Variants in CACNA2D1 observed in about 807,000 individuals in gnomAD.
CACNA2D1 encodes calcium voltage-gated channel auxiliary subunit alpha2delta 1, also known as voltage-dependent calcium channel subunit alpha-2/delta-1.
CACNA2D1 carries 53 observed loss-of-function variants against 171.5 expected under a neutral mutation model. The observed-to-expected ratio is 0.31, with a 90% CI of 0.25 to 0.39. The LOEUF (loss-of-function observed/expected upper bound fraction) is 0.39. Among genes scored for constraint, CACNA2D1 ranks in the 10% least tolerant of loss-of-function variants. CACNA2D1 has a pLI of 1.00. For synonymous variants in CACNA2D1, 442 were observed against 443.1 expected (o/e 1.00, Z 0.03); for missense variants, 903 against 1,299.8 (o/e 0.69, Z 4.69).
chr7:82,400,063 C>A (rs1826194251), intron 1 of CACNA2D1, among the ~76,000 whole-genome samples: 1 of 151,070 alleles, frequency 6.6e-6, no homozygotes, highest in African/African-American at 2.4e-5. Context: ...TGATCTATAT[C>A]TCTGTTTTGG....
At chr7:81,970,927 A>G in intron 26 of CACNA2D1, 190 bp from the exon 27 acceptor site, 1 of 565,790 alleles carries the variant, frequency 1.8e-6, no homozygotes, top group Admixed American at 2.8e-5. Flanking sequence ...AAGACATCTC[A>G]TAGGAAATAA....
At chr7:82,299,002 G>T (rs1812644109) in intron 3 of CACNA2D1, among the ~76,000 whole-genome samples, 1 of 149,730 alleles carries the variant, frequency 6.7e-6, no homozygotes, top group Non-Finnish European at 1.5e-5. Context: ...GGCAGAGGCT[G>T]CAGTGAGCTG....
At chr7:82,109,523 A>G (rs1788124996) in intron 6 of CACNA2D1, among the ~76,000 whole-genome samples, 1 of 152,198 alleles carries the variant, frequency 6.6e-6, no homozygotes, top group East Asian at 1.9e-4. Flanking sequence ...AACAAGAATG[A>G]GTCAGCATCC....
At chr7:82,233,722 T>C (rs1803219954) in intron 3 of CACNA2D1, among the ~76,000 whole-genome samples, 1 of 152,108 alleles carries the variant, frequency 6.6e-6, no homozygotes, top group African/African-American at 2.4e-5. Context: ...AAAAAGATTA[T>C]GTTTCCCTAA....
At chr7:82,259,846 T>C (rs1806847031) in intron 3 of CACNA2D1, among the ~76,000 whole-genome samples, 1 of 152,226 alleles carries the variant, frequency 6.6e-6, no homozygotes, top group Non-Finnish European at 1.5e-5. Flanking sequence ...TTAACCTCTG[T>C]TTTGTTTTTG....
chr7:81,963,913 C>A, intron 34 of CACNA2D1, 143 bp downstream of exon 34: 1 of 689,196 alleles, frequency 1.5e-6, no homozygotes, highest in Non-Finnish European at 2.6e-6. Flanking sequence ...ATAAATATTA[C>A]CAATAGGTGA....
At chr7:81,972,754 C>T (rs78084978) in intron 25 of CACNA2D1, among the ~76,000 whole-genome samples, 14,021 of 151,924 alleles carry the variant, frequency 0.092, 681 homozygotes, top group Middle Eastern at 0.2. Context: ...ACATTTACGA[C>T]AAAATTTGAC....
chr7:81,986,495 T>C (rs1336451588), intron 21 of CACNA2D1, among the ~76,000 whole-genome samples: 2 of 150,034 alleles, frequency 1.3e-5, no homozygotes, highest in African/African-American at 2.5e-5. Context: ...ATGGACAATA[T>C]AGAATAGGGA....
In CACNA2D1 at chr7:81,968,349, ATGTT is replaced by A. The variant is rs1436128726; in HGVS notation, c.2395+534_2395+537del. ...ATCCTCATTAATGCTCACTTTTACT[ATGTT>A]TGTTTACTTGCCTATTTTTCCAAAA... On this transcript the variant is annotated intron_variant, in intron 29 of 38. Transcript: ENST00000356860. 2.0e-5 allele frequency among the ~76,000 whole-genome samples: 3 copies of A among 151,366 alleles called. No homozygotes were observed. The Admixed American group carries it at 2.0e-4, about 10-fold the overall frequency.
chr7:82,284,216 GA>G (rs1044128803), intron 3 of CACNA2D1, among the ~76,000 whole-genome samples: 9 of 150,160 alleles, frequency 6.0e-5, no homozygotes, highest in South Asian at 2.1e-4. Context: ...AAAGAAAAAG[GA>G]AAAAAACTAT....
chr7:82,058,466 T>C (rs1037163551), intron 10 of CACNA2D1, among the ~76,000 whole-genome samples: 1 of 152,204 alleles, frequency 6.6e-6, no homozygotes, highest in African/African-American at 2.4e-5. Flanking sequence ...TTATGAACTA[T>C]ATGTTTATAT....
chr7:82,235,021 T>C lies in CACNA2D1; in HGVS notation c.295-64412A>G, dbSNP rs183167728. 5.3e-5 allele frequency among the ~76,000 whole-genome samples: 8 copies of C among 152,278 alleles called. No homozygotes were observed. In the East Asian group the frequency reaches 1.5e-3, roughly 29 times the overall value. On this transcript the variant is annotated intron_variant, in intron 3 of 38. Coordinates refer to ENST00000356860, the MANE Select transcript of CACNA2D1 (RefSeq NM_000722.4). Reference sequence around the variant, plus strand: ...TAATAAATGCACCTCCAGTCTGTGCTAACCTGATGACCTGAGGTGAAATTT... The same window carrying C: ...TAATAAATGCACCTCCAGTCTGTGCCAACCTGATGACCTGAGGTGAAATTT...
chr7:82,109,305 A>T (rs1452009086), intron 6 of CACNA2D1, among the ~76,000 whole-genome samples: 1 of 152,148 alleles, frequency 6.6e-6, no homozygotes, highest in Non-Finnish European at 1.5e-5. Flanking sequence ...AAACTCTTTT[A>T]TGATTCTATT....
chr7:82,132,369 A>G (rs1422650019), intron 5 of CACNA2D1, among the ~76,000 whole-genome samples: 1 of 152,232 alleles, frequency 6.6e-6, no homozygotes, highest in Admixed American at 6.5e-5. Flanking sequence ...TTAGTAATGT[A>G]ACTCTACATG....
At chr7:82,262,535 C>T (rs1360956796) in intron 3 of CACNA2D1, among the ~76,000 whole-genome samples, 1 of 152,030 alleles carries the variant, frequency 6.6e-6, no homozygotes, top group Non-Finnish European at 1.5e-5. Context: ...AAAAAAAATT[C>T]ACTTTTGTAT....
intron 3 of CACNA2D1, among the ~76,000 whole-genome samples, chr7:82,171,717 G>T (rs566160499): frequency 3.3e-5 from 5 of 152,108 alleles, no homozygotes; most frequent in Non-Finnish European, 7.4e-5. Context: ...TTTATTTGTG[G>T]TTTGCCTTAT....
At chr7:82,243,485 T>G (rs912782442) in intron 3 of CACNA2D1, among the ~76,000 whole-genome samples, 5 of 152,188 alleles carry the variant, frequency 3.3e-5, no homozygotes, top group Admixed American at 6.5e-5. Context: ...TATCCAAATA[T>G]TTACTTGCTA....
intron 7 of CACNA2D1, among the ~76,000 whole-genome samples, chr7:82,077,882 C>T (rs1276902223): frequency 1.3e-5 from 2 of 151,892 alleles, no homozygotes; most frequent in Non-Finnish European, 2.9e-5. Flanking sequence ...ATAGATCGAA[C>T]GCTTCATTTA....
intron 24 of CACNA2D1, among the ~76,000 whole-genome samples, chr7:81,974,946 T>C (rs1348275754): frequency 6.6e-6 from 1 of 151,718 alleles, no homozygotes; most frequent in Non-Finnish European, 1.5e-5. Context: ...GACAAGTTGA[T>C]AGGTGCAGCA....
Sources: allele counts gnomAD v4.1 joint callset (sites outside exome capture counted in the v4.1 genomes callset), GRCh38; gene constraint gnomAD v4.1.1; transcripts MANE v1.5; gene names NCBI Gene and HGNC (gene_info 2026-07-23, HGNC 2026-07-21).